The following BBS9 variants were observed in gnomAD, a reference collection of about 807,000 sequenced individuals.
The protein encoded by BBS9 is Bardet-Biedl syndrome 9.
Under a neutral mutation model 117.7 loss-of-function variants are expected in BBS9, and 89 were observed. That is an observed-to-expected ratio of 0.76 (90% CI 0.64 to 0.90). The LOEUF (loss-of-function observed/expected upper bound fraction) is 0.90. Among genes scored for constraint, BBS9 ranks in the 40% least tolerant of loss-of-function variants. The pLI is 0.00. For synonymous variants in BBS9, 379 were observed against 370.9 expected (o/e 1.02, Z -0.25); for missense variants, 982 against 1,042.2 (o/e 0.94, Z 0.80).
intron 19 of BBS9, among the ~76,000 whole-genome samples, chr7:33,397,334 G>T (rs886131796): frequency 6.6e-5 from 10 of 152,202 alleles, no homozygotes; most frequent in Middle Eastern, 3.2e-3. Flanking sequence ...ATACTGATGA[G>T]GTTGAAGAGA....
At chr7:33,248,543 T>C (rs74829188) in intron 5 of BBS9, among the ~76,000 whole-genome samples, 1,754 of 152,286 alleles carry the variant, frequency 0.012, 31 homozygotes, top group African/African-American at 0.041. Flanking sequence ...AAAAATGATA[T>C]TTAATGGCAA....
At chr7:33,317,780 A>G (rs1401382177) in intron 9 of BBS9, among the ~76,000 whole-genome samples, 5 of 152,206 alleles carry the variant, frequency 3.3e-5, no homozygotes, top group African/African-American at 1.2e-4. Flanking sequence ...GGCCAGGCGC[A>G]GTGGCTCACG....
intron 5 of BBS9, among the ~76,000 whole-genome samples, chr7:33,210,961 A>G (rs1031477041): frequency 2.0e-5 from 3 of 152,134 alleles, no homozygotes; most frequent in African/African-American, 7.2e-5. Flanking sequence ...GTCTTGAATT[A>G]TCTTTTGTTT....
At chr7:33,255,651 A>G (rs2128309213) in intron 5 of BBS9, among the ~76,000 whole-genome samples, 1 of 152,282 alleles carries the variant, frequency 6.6e-6, no homozygotes, top group South Asian at 2.1e-4. Context: ...ACCTTGCAGC[A>G]TTTATTTTAA....
intron 4 of BBS9, among the ~76,000 whole-genome samples, chr7:33,172,245 G>T (rs150218773): frequency 0.012 from 1,804 of 152,180 alleles, 37 homozygotes; most frequent in African/African-American, 0.042. Context: ...GCTGGACATG[G>T]TGGCGGGCGC....
At chr7:33,380,218 T>G (rs1347948391) in intron 17 of BBS9, 1 of 179,678 alleles carries the variant, frequency 5.6e-6, no homozygotes, top group Non-Finnish European at 1.2e-5. Flanking sequence ...GGTGACAGCT[T>G]GAAGACACTG....
chr7:33,418,874 A>G (rs1389682681), intron 19 of BBS9, among the ~76,000 whole-genome samples: 1 of 152,238 alleles, frequency 6.6e-6, no homozygotes, highest in Non-Finnish European at 1.5e-5. Context: ...CAGAACCCAG[A>G]GTCTTTCATG....
intron 20 of BBS9, among the ~76,000 whole-genome samples, chr7:33,512,991 C>A (rs747498681): frequency 6.6e-6 from 1 of 152,238 alleles, no homozygotes; most frequent in African/African-American, 2.4e-5. Flanking sequence ...AGTGCTCTCC[C>A]ATCACACACC....
At chr7:33,368,586 A>ACACG (rs200439706) in intron 17 of BBS9, among the ~76,000 whole-genome samples, 156 of 109,606 alleles carry the variant, frequency 1.4e-3, no homozygotes, top group Middle Eastern at 5.2e-3. Context: ...GTACACACAC[A>ACACG]CACACACACA....
rs529765776 is a variant in BBS9 at position 33,623,246 on chromosome 7, C to T, written c.2522-11931C>T. The stretch of plus-strand genomic sequence containing the variant: ...TATGAGCAAAAACATACATGGATGG[C>T]TTGCAGAAGATAAACAATTAATATG... On this transcript the variant is annotated intron_variant, in intron 21 of 21. Coordinates refer to the BBS9 transcript ENST00000671952. Among the ~76,000 whole-genome samples, 119 of 151,912 alleles carry T rather than the reference C, an allele frequency of 7.8e-4. 1 individual carries two copies. Among genetic ancestry groups the T allele is most frequent in the African/African-American group, 2.8e-3 (114 of 41,436 alleles).
At chr7:33,230,878 C>CATAT (rs1294829578) in intron 5 of BBS9, among the ~76,000 whole-genome samples, 2 of 152,150 alleles carry the variant, frequency 1.3e-5, no homozygotes, top group Non-Finnish European at 2.9e-5. Context: ...CTGCAATAAA[C>CATAT]ATATGCATGC....
chr7:33,427,464 G>A (rs1443225747), intron 19 of BBS9, among the ~76,000 whole-genome samples: 1 of 152,134 alleles, frequency 6.6e-6, no homozygotes, highest in East Asian at 1.9e-4. Flanking sequence ...TTGCTCCTTT[G>A]AGCCAATTAA....
intron 21 of BBS9, among the ~76,000 whole-genome samples, chr7:33,593,035 AAG>A (rs1862187053): frequency 6.6e-6 from 1 of 152,158 alleles, no homozygotes; most frequent in Non-Finnish European, 1.5e-5. Flanking sequence ...GGAGTTAGAA[AAG>A]GAAAGTATTT....
Position 33,605,328 on chromosome 7 carries a change from C to T in BBS9, c.*102C>T, listed in dbSNP as rs1864445463. 2 of 1,244,440 alleles carry T rather than the reference C, an allele frequency of 1.6e-6. No individual in the cohort carries two copies. The highest frequency in any genetic ancestry group is 3.0e-5 in the African/African-American group (2 of 67,716). The allele number at this position is 1,244,440 out of a possible 1,614,324, so 77.1% of individuals were successfully genotyped here. A position where few individuals can be genotyped will look rare whatever the true frequency, so the allele number is the denominator to read the frequency against. ...GATATAGGGCTGGCGCAGGTGCTTC[C>T]TAAAGCTCACCTTCCTGGAGATGAC... On this transcript the variant is annotated 3_prime_UTR_variant, in exon 23 of 23. Coordinates refer to ENST00000242067, the MANE Select transcript of BBS9 (RefSeq NM_198428.3).
chr7:33,319,177 A>AG (rs148920086), intron 9 of BBS9, among the ~76,000 whole-genome samples: 2 of 151,628 alleles, frequency 1.3e-5, no homozygotes, highest in Non-Finnish European at 2.9e-5. Flanking sequence ...AAAAAAAAAA[A>AG]GAATAATAGT....
downstream of BBS9, among the ~76,000 whole-genome samples, chr7:33,606,284 T>C (rs1864560034): frequency 6.6e-6 from 1 of 152,186 alleles, no homozygotes. Flanking sequence ...TTAAGTCCTT[T>C]ATGTCAAAAA....
At chr7:33,332,830 T>C (rs1473283337) in intron 9 of BBS9, among the ~76,000 whole-genome samples, 1 of 152,210 alleles carries the variant, frequency 6.6e-6, no homozygotes. Context: ...TGGTGCTATG[T>C]GTTTTTTTAA....
chr7:33,182,701 A>G (rs1350899576), intron 5 of BBS9, among the ~76,000 whole-genome samples: 2 of 152,214 alleles, frequency 1.3e-5, no homozygotes, highest in African/African-American at 4.8e-5. Flanking sequence ...TTATATAGAT[A>G]TATATAAACA....
chr7:33,390,761 C>T (rs1218334427), intron 19 of BBS9: 1 of 308,162 alleles, frequency 3.2e-6, no homozygotes, highest in African/African-American at 2.3e-5. Context: ...ATCATCTGCT[C>T]AGAAATGTAA....
Sources: allele counts gnomAD v4.1 joint callset (sites outside exome capture counted in the v4.1 genomes callset), GRCh38; gene constraint gnomAD v4.1.1; transcripts MANE v1.5; gene names NCBI Gene and HGNC (gene_info 2026-07-23, HGNC 2026-07-21).